MMAA: variants seen among roughly 807,000 people sequenced by gnomAD.
MMAA encodes the protein metabolism of cobalamin associated A.
MMAA carries 41 observed loss-of-function variants against 45.0 expected under a neutral mutation model. The ratio of observed to expected loss-of-function variants is 0.91; its 90% confidence interval spans 0.71 to 1.18. MMAA has a LOEUF of 1.18. Ranked by LOEUF, MMAA falls within the 50% of genes most tolerant of loss-of-function variation. The pLI is 0.00. For missense variants in MMAA, 460 were observed against 495.7 expected, an observed-to-expected ratio of 0.93 and a Z score of 0.68; for synonymous variants, 154 against 178.2, an observed-to-expected ratio of 0.86 and a Z score of 1.08.
intron 4 of MMAA, 21 bp from the exon 5 acceptor site, chr4:145,651,041 A>G: frequency 1.2e-6 from 2 of 1,606,380 alleles, no homozygotes; most frequent in Non-Finnish European, 8.5e-7. Flanking sequence ...TTTAGGATAT[A>G]GTTGTGATTT....
chr4:145,649,574 G>T (rs1165374476), intron 4 of MMAA, among the ~76,000 whole-genome samples: 2 of 152,092 alleles, frequency 1.3e-5, no homozygotes, highest in Non-Finnish European at 2.9e-5. Context: ...AAACTTTTCT[G>T]GGAACCCCAT....
intron 1 of MMAA, among the ~76,000 whole-genome samples, chr4:145,629,860 A>G (rs1734294199): frequency 6.6e-6 from 1 of 152,018 alleles, no homozygotes; most frequent in Admixed American, 6.6e-5. Context: ...CACCCCCATA[A>G]TTCAGTCATT....
chr4:145,624,503 C>T, intron 1 of MMAA: 1 of 1,009,814 alleles, frequency 9.9e-7, no homozygotes, highest in East Asian at 2.4e-5. Flanking sequence ...TGTATGGGGG[C>T]CTGATAAGCC....
chr4:145,624,597 C>G (rs1734159818), intron 1 of MMAA: 1 of 1,287,498 alleles, frequency 7.8e-7, no homozygotes, highest in Non-Finnish European at 1.1e-6. Context: ...GAACCATTGA[C>G]TTTGGTGCTT....
intron 2 of MMAA, among the ~76,000 whole-genome samples, chr4:145,641,556 TTA>T (rs1298794516): frequency 2.0e-5 from 3 of 152,250 alleles, no homozygotes; most frequent in African/African-American, 7.2e-5. Flanking sequence ...TAACATACAC[TTA>T]TATGTCTCTT....
At chr4:145,624,860 C>T in intron 1 of MMAA, 1 of 1,611,904 alleles carries the variant, frequency 6.2e-7, no homozygotes, top group Non-Finnish European at 8.5e-7. Context: ...CAAGCCAATC[C>T]TCTGTAACCA....
At chr4:145,639,694 T>C (rs914705583) in intron 2 of MMAA, 116 bp downstream of exon 2, 1 of 1,448,098 alleles carries the variant, frequency 6.9e-7, no homozygotes, top group Admixed American at 2.8e-5. Context: ...TCACAATATT[T>C]GGATGAATTT....
Position 145,639,234 on chromosome 4 carries a change from C to T in MMAA, c.95C>T (p.Thr32Ile). 1 of 1,614,134 alleles carries T rather than the reference C, an allele frequency of 6.2e-7. No individual in the cohort carries two copies. Among genetic ancestry groups the T allele is most frequent in the Non-Finnish European group, 8.5e-7 (1 of 1,180,016 alleles). Reference protein sequence around the residue: ...RCYHFIFHSSTHLGSGIPCAQ... With the variant: ...RCYHFIFHSSIHLGSGIPCAQ... ...TACCACTTCATCTTTCACTCAAGTA[C>T]TCATCTCGGATCAGGAATCCCATGT... The change falls in exon 2 of 7, where the codon ACT (threonine) becomes ATT (isoleucine). Residue 32 changes from threonine to isoleucine, a missense_variant. Physicochemically the swap from Thr to Ile is moderately conservative, Grantham distance 89 (BLOSUM62 -1). Transcript: ENST00000649156.
intron 1 of MMAA, among the ~76,000 whole-genome samples, chr4:145,627,016 C>T (rs1423369594): frequency 6.6e-6 from 1 of 152,084 alleles, no homozygotes; most frequent in Non-Finnish European, 1.5e-5. Flanking sequence ...ACTTAAAGTC[C>T]TTTTAAGATT....
At chr4:145,626,077 C>A in intron 1 of MMAA, 2 of 826,936 alleles carry the variant, frequency 2.4e-6, no homozygotes, top group South Asian at 1.9e-5. Flanking sequence ...CTGGGGCAGT[C>A]GGAGGGGACC....
intron 6 of MMAA, 55 bp from the exon 7 acceptor site, chr4:145,655,092 A>G (rs571360861): frequency 8.1e-6 from 13 of 1,603,410 alleles, no homozygotes; most frequent in Non-Finnish European, 1.1e-5. Flanking sequence ...GCGTCCCTGT[A>G]AAAATTTTTT....
chr4:145,630,643 G>A (rs1254164923), intron 1 of MMAA, among the ~76,000 whole-genome samples: 1 of 152,106 alleles, frequency 6.6e-6, no homozygotes, highest in Non-Finnish European at 1.5e-5. Context: ...CAGGAGAATC[G>A]CTTGAACCCA....
intron 1 of MMAA, among the ~76,000 whole-genome samples, chr4:145,621,455 G>A (rs1478569431): frequency 6.6e-6 from 1 of 152,150 alleles, no homozygotes; most frequent in African/African-American, 2.4e-5. Flanking sequence ...CATGAATTTG[G>A]TATTTGTTCT....
chr4:145,634,174 A>G (rs1424205486), intron 1 of MMAA, among the ~76,000 whole-genome samples: 1 of 152,220 alleles, frequency 6.6e-6, no homozygotes, highest in Non-Finnish European at 1.5e-5. Flanking sequence ...GCTCCAGGTA[A>G]GTCCAGAGAT....
At chr4:145,652,154 G>A (rs1728110748) in intron 5 of MMAA, among the ~76,000 whole-genome samples, 1 of 152,090 alleles carries the variant, frequency 6.6e-6, no homozygotes, top group Non-Finnish European at 1.5e-5. Context: ...GCCTGGGAGG[G>A]CCGAAATGCA....
chr4:145,650,955 G>C, intron 4 of MMAA, 107 bp from the exon 5 acceptor site: 1 of 951,020 alleles, frequency 1.1e-6, no homozygotes, highest in East Asian at 2.4e-5. Context: ...GGTTGACTGT[G>C]TGACCATGAG....
intron 3 of MMAA, among the ~76,000 whole-genome samples, chr4:145,643,194 C>G (rs1299840096): frequency 6.6e-6 from 1 of 152,154 alleles, no homozygotes; most frequent in African/African-American, 2.4e-5. Flanking sequence ...GTTTTTTCTT[C>G]CCTTACCCCT....
At chr4:145,652,356 A>G (rs1338993419) in intron 5 of MMAA, among the ~76,000 whole-genome samples, 1 of 152,160 alleles carries the variant, frequency 6.6e-6, no homozygotes, top group Non-Finnish European at 1.5e-5. Context: ...ATCACATGGC[A>G]TAAAACCCCA....
At chr4:145,626,998 T>C (rs1162751437) in intron 1 of MMAA, among the ~76,000 whole-genome samples, 1 of 152,232 alleles carries the variant, frequency 6.6e-6, no homozygotes, top group African/African-American at 2.4e-5. Context: ...TTCTCGTTCT[T>C]TCTTTTCACT....
Sources: gnomAD v4.1 joint callset for allele counts (sites outside exome capture counted in the v4.1 genomes callset) on GRCh38, gnomAD v4.1.1 for gene constraint, MANE v1.5 for transcripts, NCBI Gene and HGNC (gene_info 2026-07-23, HGNC 2026-07-21) for gene names.